The following CARMIL1 variants were observed in gnomAD, a reference collection of about 807,000 sequenced individuals.
The protein encoded by CARMIL1 is F-actin-uncapping protein LRRC16A.
A neutral mutation model predicts 177.1 loss-of-function variants in CARMIL1; 90 were observed. The observed-to-expected ratio is 0.51, with a 90% CI of 0.43 to 0.61. The LOEUF is 0.61. Among genes scored for constraint, CARMIL1 ranks in the 20% least tolerant of loss-of-function variants. CARMIL1 has a pLI of 0.00. For missense variants in CARMIL1, 1,380 were observed against 1,667.0 expected (o/e 0.83, Z 3.00); for synonymous variants, 577 against 606.2 (o/e 0.95, Z 0.71).
chr6:25,385,964 A>G (rs1371793511), intron 2 of CARMIL1, among the ~76,000 whole-genome samples: 3 of 152,206 alleles, frequency 2.0e-5, no homozygotes, highest in African/African-American at 7.2e-5. Context: ...TTAGTTTTCA[A>G]AATCAGGTTA....
intron 16 of CARMIL1, among the ~76,000 whole-genome samples, chr6:25,496,631 G>A (rs953074542): frequency 6.6e-5 from 10 of 152,070 alleles, no homozygotes; most frequent in African/African-American, 2.4e-4. Flanking sequence ...CCGTTTGTAT[G>A]GATATTAAGA....
chr6:25,496,307 G>A (rs976154320), intron 16 of CARMIL1, among the ~76,000 whole-genome samples: 14 of 151,806 alleles, frequency 9.2e-5, no homozygotes, highest in Admixed American at 2.0e-4. Context: ...GTGAAACCCC[G>A]ACTCTACTAA....
chr6:25,519,272 G>T lies in CARMIL1; in HGVS notation c.1875-972G>T, dbSNP rs146329002. On this transcript the variant is annotated intron_variant, in intron 22 of 36. Transcript: ENST00000329474. ...ACTGTGCAATTTTAATGTCCCAGTT[G>T]CCACCAAGTAGCCCGAGGTGAAATT... is the stretch of plus-strand genomic sequence containing the variant. Among the ~76,000 whole-genome samples, 443 of 152,292 alleles carry T rather than the reference G, an allele frequency of 2.9e-3. 5 individuals are homozygous for T. The highest frequency in any genetic ancestry group is 9.6e-3 in the African/African-American group (400 of 41,558).
At chr6:25,500,262 G>A (rs1804176481) in intron 17 of CARMIL1, 27 bp downstream of exon 17, 1 of 1,594,322 alleles carries the variant, frequency 6.3e-7, no homozygotes, top group Non-Finnish European at 8.6e-7. Context: ...ATTGTATACT[G>A]GAATAGATAA....
intron 2 of CARMIL1, among the ~76,000 whole-genome samples, chr6:25,356,054 T>C (rs1159746274): frequency 1.3e-5 from 2 of 150,290 alleles, no homozygotes; most frequent in Non-Finnish European, 3.0e-5. Context: ...AGACTTCTTT[T>C]TTTTTTTTTT....
intron 2 of CARMIL1, among the ~76,000 whole-genome samples, chr6:25,325,690 GCAGA>G (rs543566395): frequency 5.1e-4 from 77 of 152,300 alleles, no homozygotes; most frequent in African/African-American, 1.6e-3. Context: ...GTAGCGTGTA[GCAGA>G]CAGTGTGCTG....
At chr6:25,485,938 T>G (rs1338676095) in intron 12 of CARMIL1, among the ~76,000 whole-genome samples, 1 of 142,462 alleles carries the variant, frequency 7.0e-6, no homozygotes, top group Non-Finnish European at 1.5e-5. Context: ...CAAGACAGAT[T>G]AAAAAAAAAA....
rs1481711689 is a variant in CARMIL1 at position 25,551,193 on chromosome 6, G to A, written c.2504+108G>A. 43 of 588,148 alleles carry A rather than the reference G, an allele frequency of 7.3e-5. No homozygotes were observed. The South Asian group carries it at 9.2e-4, about 13-fold the overall frequency. 36.4% of individuals were successfully genotyped at this position (588,148 alleles called of 1,614,324 possible). A position where few individuals can be genotyped will look rare whatever the true frequency, so the allele number is the denominator to read the frequency against. On this transcript the variant is annotated intron_variant, in intron 27 of 36. Transcript: ENST00000329474. Reference sequence around the variant, plus strand: ...CTGTATCCATATATAATGTGTTTAGGCATGTTTAATAGGCAGAAACTGTAT... The same window carrying A: ...CTGTATCCATATATAATGTGTTTAGACATGTTTAATAGGCAGAAACTGTAT...
chr6:25,377,276 C>T lies in CARMIL1; in HGVS notation c.139-42838C>T, dbSNP rs544732517. On this transcript the variant is annotated intron_variant, in intron 2 of 36. Coordinates refer to ENST00000329474, the MANE Select transcript of CARMIL1 (RefSeq NM_017640.6). ...CTGGCTGTTGGGGTAGAGCCACAGACGTTTTCTGCTGAGCCAAGCATTGCA... is the reference window on the plus strand; with the variant it reads ...CTGGCTGTTGGGGTAGAGCCACAGATGTTTTCTGCTGAGCCAAGCATTGCA... Among the ~76,000 whole-genome samples, 66 of 152,292 alleles carry T rather than the reference C, an allele frequency of 4.3e-4. No individual in the cohort carries two copies. The Middle Eastern group carries it at 0.017, about 39-fold the overall frequency.
At chr6:25,585,518 T>C (rs1316871595) in intron 31 of CARMIL1, among the ~76,000 whole-genome samples, 1 of 152,084 alleles carries the variant, frequency 6.6e-6, no homozygotes, top group Non-Finnish European at 1.5e-5. Context: ...TTATGTAATA[T>C]GAAGAGTAGA....
At chr6:25,384,209 T>C (rs376257247) in intron 2 of CARMIL1, among the ~76,000 whole-genome samples, 123 of 152,318 alleles carry the variant, frequency 8.1e-4, no homozygotes, top group Middle Eastern at 3.4e-3. Context: ...AATGCTTTAT[T>C]TGAGGACAGA....
intron 2 of CARMIL1, among the ~76,000 whole-genome samples, chr6:25,388,826 C>T (rs981634037): frequency 6.6e-6 from 1 of 152,012 alleles, no homozygotes; most frequent in Non-Finnish European, 1.5e-5. Flanking sequence ...TAGGCACAGA[C>T]CACCACACCC....
chr6:25,468,534 T>G (rs1216986366), intron 9 of CARMIL1, among the ~76,000 whole-genome samples: 1 of 152,250 alleles, frequency 6.6e-6, no homozygotes, highest in Non-Finnish European at 1.5e-5. Context: ...TATCCAGTTT[T>G]TAAAAAATTT....
At position 25,519,216 on chromosome 6, in the gene CARMIL1, T is replaced by C. The variant is rs193207887; in HGVS notation, c.1875-1028T>C. 2.9e-3 allele frequency among the ~76,000 whole-genome samples: 443 copies of C among 152,336 alleles called. 5 individuals are homozygous for C. The highest frequency in any genetic ancestry group is 9.6e-3 in the African/African-American group (400 of 41,574). On this transcript the variant is annotated intron_variant, in intron 22 of 36. Transcript: ENST00000329474. ...GCTGAGAAGCACACGTGAGTGCTGC[T>C]GATAGTTTAGAGTCCTAAAACAAGG...
rs904690426 is a variant in CARMIL1, at chr6:25,586,827, G to A, written c.3006+5388G>A. On this transcript the variant is annotated intron_variant, in intron 31 of 36. Transcript: ENST00000329474. ...AAACCAGTCAGGCGTGGCGGCGCGC[G>A]CCTGCAATCCCAGGCACTCGGCAGG... is the stretch of plus-strand genomic sequence containing the variant. 3.1e-3 allele frequency among the ~76,000 whole-genome samples: 467 copies of A among 152,060 alleles called. 5 individuals carry two copies. The highest frequency in any genetic ancestry group is 0.024 in the Middle Eastern group (7 of 294).
intron 5 of CARMIL1, among the ~76,000 whole-genome samples, chr6:25,437,788 A>G (rs558890520): frequency 1.3e-4 from 20 of 152,276 alleles, no homozygotes; most frequent in Admixed American, 6.5e-4. Flanking sequence ...GTCATATTCA[A>G]TTGGTTGCTA....
chr6:25,532,821 C>T (rs1426802748), intron 24 of CARMIL1, among the ~76,000 whole-genome samples: 1 of 152,082 alleles, frequency 6.6e-6, no homozygotes, highest in Non-Finnish European at 1.5e-5. Context: ...TGTAAAAAGC[C>T]GTATAGTAAA....
intron 29 of CARMIL1, among the ~76,000 whole-genome samples, chr6:25,578,458 T>G (rs1482203114): frequency 3.3e-5 from 5 of 152,172 alleles, no homozygotes; most frequent in Non-Finnish European, 5.9e-5. Flanking sequence ...TATAGTACAT[T>G]GTTATATTTC....
At chr6:25,280,977 GT>G (rs966829673) in intron 1 of CARMIL1, among the ~76,000 whole-genome samples, 6 of 152,012 alleles carry the variant, frequency 3.9e-5, no homozygotes, top group African/African-American at 1.5e-4. Flanking sequence ...ATGCCCTTCC[GT>G]TGGTGACTGT....
Sources: gnomAD v4.1 joint callset for allele counts (sites outside exome capture counted in the v4.1 genomes callset) on GRCh38, gnomAD v4.1.1 for gene constraint, MANE v1.5 for transcripts, NCBI Gene and HGNC (gene_info 2026-07-23, HGNC 2026-07-21) for gene names.